Variants in ZRANB3 observed in about 807,000 individuals in gnomAD.
The protein encoded by ZRANB3 is zinc finger RANBP2-type containing 3.
In ZRANB3, 125 loss-of-function variants were observed where a neutral mutation model predicts 133.8. The observed-to-expected ratio is 0.93, with a 90% CI of 0.81 to 1.08. ZRANB3 has a LOEUF of 1.08. ZRANB3 is among the 50% of genes least tolerant of loss of function. The probability of loss-of-function intolerance (pLI) is 0.00; values close to 1 mark genes in which losing one functional copy is unlikely to be tolerated. For missense variants in ZRANB3, 1,229 were observed against 1,275.5 expected (o/e 0.96, Z 0.56); for synonymous variants, 387 against 432.7 (o/e 0.89, Z 1.31).
In ZRANB3 at chr2:135,220,196, C is replaced by A. The variant is rs193114524; in HGVS notation, c.2251-1018G>T. The stretch of plus-strand genomic sequence containing the variant: ...CTAGGATTATAGGCATGAGCCACCA[C>A]GCCCAGCCCCTGAAATCTTAAGGGT... On this transcript the variant is annotated intron_variant, in intron 15 of 20. Transcript: ENST00000264159. 2.4e-3 allele frequency among the ~76,000 whole-genome samples: 367 copies of A among 152,162 alleles called. 3 individuals are homozygous for A. Among genetic ancestry groups the A allele is most frequent in the African/African-American group, 8.5e-3 (352 of 41,516 alleles).
At chr2:135,430,862 C>A (rs563952615) in intron 2 of ZRANB3, among the ~76,000 whole-genome samples, 1 of 151,928 alleles carries the variant, frequency 6.6e-6, no homozygotes, top group African/African-American at 2.4e-5. Flanking sequence ...GATTTCCATA[C>A]GTAAAAACAA....
chr2:135,459,379 G>A (rs1450084789), intron 2 of ZRANB3, among the ~76,000 whole-genome samples: 1 of 152,138 alleles, frequency 6.6e-6, no homozygotes, highest in East Asian at 1.9e-4. Flanking sequence ...TCAGTGCCCA[G>A]CTTGCCTAGT....
chr2:135,297,535 G>A (rs77430942), intron 8 of ZRANB3, among the ~76,000 whole-genome samples: 6,770 of 152,262 alleles, frequency 0.044, 502 homozygotes, highest in African/African-American at 0.16. Flanking sequence ...CGGGTGAGGC[G>A]ATGCCTCGCC....
chr2:135,490,971 T>C (rs984067430), intron 2 of ZRANB3, among the ~76,000 whole-genome samples: 8 of 152,126 alleles, frequency 5.3e-5, no homozygotes, highest in Non-Finnish European at 8.8e-5. Context: ...CCTTAGTGGC[T>C]ACTAGTGGTT....
intron 11 of ZRANB3, among the ~76,000 whole-genome samples, chr2:135,267,603 T>C (rs1250680353): frequency 1.3e-5 from 2 of 152,192 alleles, no homozygotes; most frequent in Non-Finnish European, 2.9e-5. Flanking sequence ...AAAATTATAA[T>C]CCATTACCCA....
intron 2 of ZRANB3, among the ~76,000 whole-genome samples, chr2:135,423,993 C>T (rs1360552466): frequency 1.3e-5 from 2 of 151,936 alleles, no homozygotes; most frequent in Admixed American, 6.6e-5. Context: ...AAACTGAAGC[C>T]GACAGAGATG....
intron 8 of ZRANB3, among the ~76,000 whole-genome samples, chr2:135,287,222 T>A (rs1380809959): frequency 6.6e-6 from 1 of 152,246 alleles, no homozygotes; most frequent in African/African-American, 2.4e-5. Context: ...GAAGATCAGT[T>A]GGCTGTAAAT....
intron 9 of ZRANB3, among the ~76,000 whole-genome samples, chr2:135,273,055 G>A (rs1267003806): frequency 1.3e-5 from 2 of 151,644 alleles, no homozygotes; most frequent in East Asian, 2.0e-4. Context: ...ACGTGGTGGC[G>A]GGCGCCTGTA....
chr2:135,516,919 T>C (rs546060513), intron 1 of ZRANB3, among the ~76,000 whole-genome samples: 3 of 152,256 alleles, frequency 2.0e-5, no homozygotes, highest in Non-Finnish European at 2.9e-5. Context: ...CAATCAAAAA[T>C]AGTTTGGTCT....
chr2:135,390,968 C>G (rs1687207102), intron 2 of ZRANB3, 148 bp from the exon 3 acceptor site: 1 of 801,158 alleles, frequency 1.2e-6, no homozygotes, highest in Non-Finnish European at 1.8e-6. Context: ...CCAAGTGATT[C>G]TCCTGCCTCA....
intron 2 of ZRANB3, among the ~76,000 whole-genome samples, chr2:135,479,742 G>C (rs1035236001): frequency 6.6e-6 from 1 of 151,910 alleles, no homozygotes; most frequent in Non-Finnish European, 1.5e-5. Flanking sequence ...TCTCTCTATA[G>C]ACACTCTTAT....
At chr2:135,510,756 G>T in intron 1 of ZRANB3, 1 of 804,178 alleles carries the variant, frequency 1.2e-6, no homozygotes, top group South Asian at 1.3e-5. Context: ...TGATGGGCCT[G>T]TTGCGAAGGA....
At chr2:135,440,218 A>C (rs908435514) in intron 2 of ZRANB3, among the ~76,000 whole-genome samples, 7 of 152,150 alleles carry the variant, frequency 4.6e-5, no homozygotes, top group African/African-American at 1.7e-4. Context: ...TGTTTTCCTG[A>C]ACTTTCTGAC....
In ZRANB3 at chr2:135,415,183, G is replaced by A. The variant is rs190130611; in HGVS notation, c.162-24363C>T. 1.2e-3 allele frequency among the ~76,000 whole-genome samples: 175 copies of A among 150,098 alleles called. 2 individuals carry two copies. The highest frequency in any genetic ancestry group is 3.9e-3 in the East Asian group (20 of 5,128). ...GAATCCAGGAGCTGGTTTTTTGAACGGATCAACAAAATTGATAGACCACTA... is the reference window on the plus strand; with the variant it reads ...GAATCCAGGAGCTGGTTTTTTGAACAGATCAACAAAATTGATAGACCACTA... On this transcript the variant is annotated intron_variant, in intron 2 of 20. Transcript: ENST00000264159.
At chr2:135,308,325 T>C (rs1682799312) in intron 8 of ZRANB3, among the ~76,000 whole-genome samples, 1 of 152,144 alleles carries the variant, frequency 6.6e-6, no homozygotes, top group Admixed American at 6.6e-5. Flanking sequence ...CAGTCCATCA[T>C]GGACTAGGCT....
chr2:135,440,321 C>T (rs928078558), intron 2 of ZRANB3, among the ~76,000 whole-genome samples: 1 of 151,924 alleles, frequency 6.6e-6, no homozygotes, highest in Non-Finnish European at 1.5e-5. Flanking sequence ...ATCACTTGAA[C>T]CCAGGAGGCA....
chr2:135,212,493 TA>T (rs1694134340), intron 17 of ZRANB3, among the ~76,000 whole-genome samples: 1 of 152,174 alleles, frequency 6.6e-6, no homozygotes, highest in Non-Finnish European at 1.5e-5. Flanking sequence ...ATTTAGAAAC[TA>T]AAAATAACCT....
rs1464534735 is a variant in ZRANB3 at position 135,237,838 on chromosome 2, G to A, written c.1540-6911C>T. On this transcript the variant is annotated intron_variant, in intron 12 of 20. Transcript: ENST00000264159. ...GATAGCATTAGGAGATATACCTAAT[G>A]TTAAATGACGAGTTAATGGGTGCAG... Among the ~76,000 whole-genome samples the A allele has an allele frequency of 2.0e-5, 3 of 152,102 alleles. No individual in the cohort carries two copies. The East Asian group carries it at 5.8e-4, about 29-fold the overall frequency.
intron 3 of ZRANB3, among the ~76,000 whole-genome samples, chr2:135,360,392 A>T (rs1558942394): frequency 6.6e-6 from 1 of 151,854 alleles, no homozygotes; most frequent in Non-Finnish European, 1.5e-5. Context: ...AAAAATAAAG[A>T]AATGAATAAA....
Sources: allele counts gnomAD v4.1 joint callset (sites outside exome capture counted in the v4.1 genomes callset), GRCh38; gene constraint gnomAD v4.1.1; transcripts MANE v1.5; gene names NCBI Gene and HGNC (gene_info 2026-07-23, HGNC 2026-07-21).